The following ANKRD16 variants were observed in gnomAD, a reference collection of about 807,000 sequenced individuals.
ANKRD16 encodes ankyrin repeat domain-containing protein 16.
A neutral mutation model predicts 37.9 loss-of-function variants in ANKRD16; 35 were observed. The ratio of observed to expected loss-of-function variants is 0.92; its 90% CI spans 0.71 to 1.23. ANKRD16 has a LOEUF of 1.23. Ranked by LOEUF, ANKRD16 falls within the 50% of genes most tolerant of loss-of-function variation. The pLI, the probability that ANKRD16 is intolerant of heterozygous loss-of-function variation, is 0.00. For synonymous variants in ANKRD16, 206 were observed against 197.2 expected, an observed-to-expected ratio of 1.04 and a Z score of -0.37; for missense variants, 480 against 469.9, an observed-to-expected ratio of 1.02 and a Z score of -0.20.
intron 5 of ANKRD16, among the ~76,000 whole-genome samples, chr10:5,881,438 T>TTATA (rs869185709): frequency 0.021 from 1,063 of 50,484 alleles, 9 homozygotes; most frequent in Non-Finnish European, 0.026. Flanking sequence ...AAAATATTAT[T>TTATA]TATATATATA....
Position 5,884,395 on chromosome 10 carries a change from G to T in ANKRD16, c.579-318C>A, listed in dbSNP as rs540984947. 1.1e-4 allele frequency among the ~76,000 whole-genome samples: 16 copies of T among 152,180 alleles called. No homozygotes were observed. The East Asian group carries it at 3.1e-3, about 29-fold the overall frequency. On this transcript the variant is annotated intron_variant, in intron 3 of 7. Coordinates refer to ENST00000380094, the MANE Select transcript of ANKRD16 (RefSeq NM_019046.3). The stretch of plus-strand genomic sequence containing the variant: ...TTTCCTGCATCCTTCATAATCAATT[G>T]ATTACCCCCATCCTTCAATTCCACA...
In ANKRD16 at chr10:5,863,607, A is replaced by G. The variant is rs1489161463; in HGVS notation, c.*34-916T>C. On this transcript the variant is annotated intron_variant, in intron 7 of 7. Transcript: ENST00000380094. The surrounding 1 kb of genome is among the most constrained non-coding windows in gnomAD (Gnocchi z 4.7). ...TGGCCACCCCCTGCCAGCAGCAGCA[A>G]CCCACTTGGGTCCCCTTCCACACTG... 1.3e-5 allele frequency among the ~76,000 whole-genome samples: 2 copies of G among 151,926 alleles called. No individual in the cohort carries two copies. Among genetic ancestry groups the G allele is most frequent in the African/African-American group, 4.8e-5 (2 of 41,338 alleles).
In ANKRD16 at chr10:5,866,035, GT is replaced by G. The variant is rs1380483474; in HGVS notation, c.*34-3345del. ...GGTAGTTGCAGCGGTGGCCGTCTCA[GT>G]GTTAGAGGCTATCAAAATAATACAA... On this transcript the variant is annotated intron_variant, in intron 7 of 7. Coordinates refer to ENST00000380094, the MANE Select transcript of ANKRD16 (RefSeq NM_019046.3). The surrounding 1 kb of genome is among the most constrained non-coding windows in gnomAD (Gnocchi z 4.3). Among the ~76,000 whole-genome samples the G allele has an allele frequency of 6.6e-6, 1 of 152,176 alleles. No individual in the cohort carries two copies. The highest frequency in any genetic ancestry group is 1.5e-5 in the Non-Finnish European group (1 of 68,030).
At chr10:5,884,157 A>G in intron 3 of ANKRD16, 80 bp from the exon 4 acceptor site, 1 of 1,047,712 alleles carries the variant, frequency 9.5e-7, no homozygotes, top group Non-Finnish European at 1.5e-6. Flanking sequence ...GATCACCTGC[A>G]GGTGAACTGC....
intron 6 of ANKRD16, 100 bp downstream of exon 6, chr10:5,880,198 A>AG: frequency 3.2e-6 from 1 of 310,230 alleles, no homozygotes; most frequent in South Asian, 6.5e-5. Flanking sequence ...AAAAAAAAAA[A>AG]AAAAAAGGAA....
chr10:5,888,390 A>C (rs1049640982), intron 1 of ANKRD16, among the ~76,000 whole-genome samples: 3 of 152,240 alleles, frequency 2.0e-5, no homozygotes, highest in Non-Finnish European at 4.4e-5. Context: ...CCCTCAACAC[A>C]TAACGAAGTC....
rs1025329141 is a variant in ANKRD16 at position 5,865,882 on chromosome 10, T to C, written c.*34-3191A>G. 3.5e-4 allele frequency among the ~76,000 whole-genome samples: 54 copies of C among 152,286 alleles called. No individual in the cohort carries two copies. Among genetic ancestry groups the C allele is most frequent in the African/African-American group, 1.2e-3 (51 of 41,538 alleles). On this transcript the variant is annotated intron_variant, in intron 7 of 7. Transcript: ENST00000380094. The surrounding 1 kb of genome is among the most constrained non-coding windows in gnomAD (Gnocchi z 4.7). ...TCCCACAGGACAAAACTTCTCTTTA[T>C]ACATCACAGAGAGAGCAGAAATAGC...
At chr10:5,867,183 A>G (rs1842027964) in intron 7 of ANKRD16, among the ~76,000 whole-genome samples, 1 of 152,244 alleles carries the variant, frequency 6.6e-6, no homozygotes, top group Non-Finnish European at 1.5e-5. Context: ...CTGACAACCC[A>G]TAGCCTTCCT....
rs551165951 is a variant in ANKRD16 at position 5,869,682 on chromosome 10, G to A, written c.*34-6991C>T. On this transcript the variant is annotated intron_variant, in intron 7 of 7. Coordinates refer to ENST00000380094, the MANE Select transcript of ANKRD16 (RefSeq NM_019046.3). This position sits in a 1 kb window ranked among gnomAD's most constrained non-coding sequence, Gnocchi z 4.0. ...GGGGAGGAACCGGCAGGGTGAACGCGAGTATTTCTCCTCATGCACAAGAAG... is the reference window on the plus strand; with the variant it reads ...GGGGAGGAACCGGCAGGGTGAACGCAAGTATTTCTCCTCATGCACAAGAAG... 7.6e-4 allele frequency among the ~76,000 whole-genome samples: 111 copies of A among 145,790 alleles called. No individual in the cohort carries two copies. The highest frequency in any genetic ancestry group is 2.4e-3 in the Admixed American group (33 of 13,810).
chr10:5,886,406 C>A (rs1386861490), intron 2 of ANKRD16, among the ~76,000 whole-genome samples: 1 of 152,188 alleles, frequency 6.6e-6, no homozygotes, highest in East Asian at 1.9e-4. Flanking sequence ...GCCTGGCCAA[C>A]AAGGGGAAAC....
rs554734886 is a variant in ANKRD16 at position 5,862,750 on chromosome 10, G to T, written c.*34-59C>A. 132 of 1,199,932 alleles carry T rather than the reference G, an allele frequency of 1.1e-4. No homozygotes were observed. In the East Asian group the frequency reaches 6.6e-3, roughly 60 times the overall value. The allele number at this position is 1,199,932 out of a possible 1,614,324, so 74.3% of individuals were successfully genotyped here. The stretch of plus-strand genomic sequence containing the variant: ...CAGATGAAACAGAAGCTCAGAGAGG[G>T]CAAGCAGCTAGCACAAGGTCCCACA... On this transcript the variant is annotated intron_variant, in intron 7 of 7. Coordinates refer to ENST00000380094, the MANE Select transcript of ANKRD16 (RefSeq NM_019046.3). This position sits in a 1 kb window ranked among gnomAD's most constrained non-coding sequence, Gnocchi z 6.5.
intron 3 of ANKRD16, among the ~76,000 whole-genome samples, chr10:5,885,244 G>A (rs1263801077): frequency 1.3e-5 from 2 of 151,952 alleles, no homozygotes; most frequent in Non-Finnish European, 2.9e-5. Context: ...GCAGTGGCGC[G>A]ATCTCGGCTC....
At chr10:5,883,249 A>G in intron 4 of ANKRD16, 82 bp from the exon 5 acceptor site, 1 of 1,408,094 alleles carries the variant, frequency 7.1e-7, no homozygotes, top group Non-Finnish European at 9.6e-7. Context: ...CTGGCACTTC[A>G]GCAAAACTGA....
rs906157653 is a variant in ANKRD16, at chr10:5,889,417, G to A, written c.-63C>T. The A allele has an allele frequency of 8.7e-5, 97 of 1,119,642 alleles. No homozygotes were observed. The highest frequency in any genetic ancestry group is 1.0e-4 in the Non-Finnish European group (92 of 908,224). 69.4% of individuals were successfully genotyped at this position (1,119,642 alleles called of 1,614,324 possible). On this transcript the variant is annotated 5_prime_UTR_variant, in exon 1 of 8. Transcript: ENST00000380094. ...GGCGGGACACCGGCGGCCGGGCAGG[G>A]AGAAGCCGAGGGCGAGTGGGACTTT...
At position 5,878,195 on chromosome 10, in the gene ANKRD16, G is replaced by A. The variant is rs1181013737; in HGVS notation, c.1021C>T (p.Leu341=). The A allele has an allele frequency of 1.9e-6, 3 of 1,614,202 alleles. No individual in the cohort carries two copies. The highest frequency in any genetic ancestry group is 2.2e-5 in the South Asian group (2 of 91,084). ...GCTCTCCTTGGGAGCTGCTGAGCCA[G>A]GGTGCCCGTGATGTCTTCAGAATCC... is the stretch of plus-strand genomic sequence containing the variant. The part of the protein sequence containing the change: ...LKDSEDITGT[L]AQQLPRRADV... Residue 341 remains leucine (L), a synonymous_variant, in exon 7 of 8, where the codon CTG becomes TTG. Coordinates refer to ENST00000380094, the MANE Select transcript of ANKRD16 (RefSeq NM_019046.3). The surrounding 1 kb of genome is among the most constrained non-coding windows in gnomAD (Gnocchi z 5.1).
chr10:5,870,639 G>A lies in ANKRD16; in HGVS notation c.*33+7458C>T, dbSNP rs1241782062. 1.3e-5 allele frequency among the ~76,000 whole-genome samples: 2 copies of A among 152,092 alleles called. No homozygotes were observed. The highest frequency in any genetic ancestry group is 2.9e-5 in the Non-Finnish European group (2 of 68,014). On this transcript the variant is annotated intron_variant, in intron 7 of 7. Transcript: ENST00000380094. The surrounding 1 kb of genome is among the most constrained non-coding windows in gnomAD (Gnocchi z 5.0). ...GGTCTCAAGCCATCTGCCCGCCTTG[G>A]CCTCCCAAAGTGTTGGGATTACAGG...
Position 5,880,278 on chromosome 10 carries a change from T to C in ANKRD16, c.928+20A>G. 1.4e-6 allele frequency: 2 copies of C among 1,417,250 alleles called. No individual in the cohort carries two copies. Among genetic ancestry groups the C allele is most frequent in the Non-Finnish European group, 2.0e-6 (2 of 1,023,652 alleles). 87.8% of individuals were successfully genotyped at this position (1,417,250 alleles called of 1,614,324 possible). A position where few individuals can be genotyped will look rare whatever the true frequency, so the allele number is the denominator to read the frequency against. On this transcript the variant is annotated intron_variant, in intron 6 of 7. Coordinates refer to ENST00000380094, the MANE Select transcript of ANKRD16 (RefSeq NM_019046.3). ...ACTCAGTTTACTAATTTCCAAGGCA[T>C]ATATAAAATTAAACGGTACCTGATC...
chr10:5,879,992 G>A (rs1842261663), intron 6 of ANKRD16, among the ~76,000 whole-genome samples: 1 of 151,644 alleles, frequency 6.6e-6, no homozygotes, highest in Non-Finnish European at 1.5e-5. Context: ...AACCCCATCT[G>A]TACTAAAAAT....
In ANKRD16 at chr10:5,887,926, G is replaced by T. The variant is rs1181218663; in HGVS notation, c.456C>A (p.Ile152=). The T allele has an allele frequency of 1.2e-6, 2 of 1,614,196 alleles. No individual in the cohort carries two copies. The highest frequency in any genetic ancestry group is 1.7e-6 in the Non-Finnish European group (2 of 1,180,026). The change falls in exon 2 of 8, where the codon ATC becomes ATA. Residue 152 remains isoleucine, a synonymous_variant. Coordinates refer to ENST00000380094, the MANE Select transcript of ANKRD16 (RefSeq NM_019046.3). ...HIASREGDPL[I]LQYLLTVCPG... ...GGCAAACAGTGAGCAGGTACTGGAG[G>T]ATCAGAGGGTCGCCTTCTCGACTGG... is the stretch of plus-strand genomic sequence containing the variant.
Sources: allele counts gnomAD v4.1 joint callset (sites outside exome capture counted in the v4.1 genomes callset), GRCh38; gene constraint gnomAD v4.1.1; non-coding constraint Gnocchi (gnomAD v3.1); transcripts MANE v1.5; gene names NCBI Gene and HGNC (gene_info 2026-07-23, HGNC 2026-07-21).